The following RSPH14 variants were observed in gnomAD, a reference collection of about 807,000 sequenced individuals.
RSPH14 encodes rhabdoid tumor deletion region gene 1.
A neutral mutation model predicts 26.7 loss-of-function variants in RSPH14; 20 were observed. The ratio of observed to expected loss-of-function variants is 0.75; its 90% confidence interval spans 0.53 to 1.09. The LOEUF (loss-of-function observed/expected upper bound fraction) is 1.09. Ranked by LOEUF, RSPH14 falls within the 50% of genes least tolerant of loss-of-function variation. The pLI is 0.00. For missense variants in RSPH14, 449 were observed against 457.2 expected (o/e 0.98, Z 0.16); for synonymous variants, 177 against 189.3 (o/e 0.93, Z 0.53).
intron 4 of RSPH14, among the ~76,000 whole-genome samples, chr22:23,088,355 G>A (rs1601776792): frequency 6.6e-6 from 1 of 152,268 alleles, no homozygotes; most frequent in South Asian, 2.1e-4. Context: ...GTGTGAGGAA[G>A]GGCCTGTGGT....
At chr22:23,067,641 T>C (rs1484117108) in intron 4 of RSPH14, among the ~76,000 whole-genome samples, 1 of 152,196 alleles carries the variant, frequency 6.6e-6, no homozygotes, top group Non-Finnish European at 1.5e-5. Flanking sequence ...CTTTACCACA[T>C]GCTCTCTTCC....
chr22:23,104,093 T>C (rs1212419580), intron 4 of RSPH14, among the ~76,000 whole-genome samples: 3 of 148,960 alleles, frequency 2.0e-5, no homozygotes, highest in Non-Finnish European at 3.0e-5. Flanking sequence ...CCTTGCAGAA[T>C]CCAGTCAAGG....
At chr22:23,130,520 G>GAAAGAAAGAAAGAAAGAAAGAAAGAAAA (rs2070337513) in intron 4 of RSPH14, among the ~76,000 whole-genome samples, 1 of 150,460 alleles carries the variant, frequency 6.6e-6, no homozygotes. Context: ...AAGAAAGAAA[G>GAAAGAAAGAAAGAAAGAAAGAAAGAAAA]AAAGAAAGAA....
At chr22:23,120,108 G>A (rs536800976) in intron 4 of RSPH14, among the ~76,000 whole-genome samples, 10 of 152,290 alleles carry the variant, frequency 6.6e-5, no homozygotes, top group African/African-American at 2.4e-4. Context: ...GTGAGGCACC[G>A]TGCCCACCTC....
At chr22:23,073,902 C>G (rs1417003569) in intron 4 of RSPH14, among the ~76,000 whole-genome samples, 2 of 149,750 alleles carry the variant, frequency 1.3e-5, no homozygotes, top group African/African-American at 4.9e-5. Context: ...GTGGAGAACA[C>G]TAAAGCAGAA....
At chr22:23,095,866 C>T in intron 4 of RSPH14, 1 of 1,613,784 alleles carries the variant, frequency 6.2e-7, no homozygotes, top group Non-Finnish European at 8.5e-7. Flanking sequence ...AGATCATCCA[C>T]AGCGGCGGCT....
At chr22:23,112,022 G>A (rs1270917911) in intron 4 of RSPH14, among the ~76,000 whole-genome samples, 1 of 152,194 alleles carries the variant, frequency 6.6e-6, no homozygotes, top group Non-Finnish European at 1.5e-5. Flanking sequence ...CTCATCCACA[G>A]CAAGACTGGA....
chr22:23,161,113 G>C, the RSPH14 span: 1 of 1,309,772 alleles, frequency 7.6e-7, no homozygotes, highest in Non-Finnish European at 1.0e-6. Flanking sequence ...GCCCTCTCCT[G>C]TCCTTTGACC....
chr22:23,176,789 C>T, the RSPH14 span, among the ~76,000 whole-genome samples: 13 of 152,192 alleles, frequency 8.5e-5, no homozygotes, highest in African/African-American at 1.9e-4. Flanking sequence ...CCACCTCCCA[C>T]GCCCAACCTT....
intron 4 of RSPH14, among the ~76,000 whole-genome samples, chr22:23,089,399 C>T (rs1038038519): frequency 4.6e-5 from 7 of 152,092 alleles, no homozygotes; most frequent in Admixed American, 1.3e-4. Flanking sequence ...GTGGTCCTGG[C>T]GAGCTCAGGC....
At chr22:23,157,923 C>T in the RSPH14 span, 3 of 1,606,388 alleles carry the variant, frequency 1.9e-6, no homozygotes, top group Admixed American at 1.7e-5. Flanking sequence ...GAGCTGGGCA[C>T]CTCCTGGGGA....
intron 4 of RSPH14, among the ~76,000 whole-genome samples, chr22:23,118,338 GCAGA>G (rs2069909988): frequency 6.6e-6 from 1 of 152,242 alleles, no homozygotes; most frequent in Admixed American, 6.5e-5. Flanking sequence ...AAATAAATGT[GCAGA>G]CAAACCCCAG....
chr22:23,129,591 GA>G (rs140618974), intron 4 of RSPH14, among the ~76,000 whole-genome samples: 3 of 151,526 alleles, frequency 2.0e-5, no homozygotes, highest in East Asian at 1.9e-4. Context: ...AGGCCAGAGG[GA>G]AAAAAAATCA....
intron 4 of RSPH14, chr22:23,095,854 G>A (rs2069107578): frequency 6.2e-7 from 1 of 1,613,742 alleles, no homozygotes; most frequent in African/African-American, 1.3e-5. Flanking sequence ...TCAAACAGAT[G>A]AAGATCATCC....
At chr22:23,144,273 A>C (rs201150838), upstream of RSPH14, among the ~76,000 whole-genome samples, 31,445 of 151,962 alleles carry the variant, frequency 0.21, 3,808 homozygotes, top group Middle Eastern at 0.31. Flanking sequence ...TGCTTCCCGC[A>C]GTGGACTCCA....
chr22:23,079,328 C>T (rs762585208), intron 4 of RSPH14, among the ~76,000 whole-genome samples: 51 of 152,168 alleles, frequency 3.4e-4, no homozygotes, highest in African/African-American at 7.2e-4. Context: ...GGGGAGAGGG[C>T]GCGGAAGCGA....
At chr22:23,126,099 T>C (rs1283236190) in intron 4 of RSPH14, among the ~76,000 whole-genome samples, 2 of 152,230 alleles carry the variant, frequency 1.3e-5, no homozygotes, top group African/African-American at 4.8e-5. Flanking sequence ...CTTAAAATCG[T>C]TGAGACTTAT....
chr22:23,134,681 ATGG>A, intron 3 of RSPH14, among the ~76,000 whole-genome samples: 1 of 151,960 alleles, frequency 6.6e-6, no homozygotes, highest in East Asian at 1.9e-4. Context: ...CCTGGCCAAC[ATGG>A]CAAAACCCCG....
the RSPH14 span, among the ~76,000 whole-genome samples, chr22:23,160,079 A>AT: frequency 6.6e-6 from 1 of 152,024 alleles, no homozygotes; most frequent in African/African-American, 2.4e-5. Context: ...GGCTCTGGGG[A>AT]CTCAGGAATT....
Sources: gnomAD v4.1 joint callset for allele counts (sites outside exome capture counted in the v4.1 genomes callset) on GRCh38, gnomAD v4.1.1 for gene constraint, MANE v1.5 for transcripts, NCBI Gene and HGNC (gene_info 2026-07-23, HGNC 2026-07-21) for gene names.